FADS2: variants seen among roughly 807,000 people sequenced by gnomAD.
The protein encoded by FADS2 is acyl-CoA 6-desaturase.
FADS2 carries 18 observed loss-of-function variants against 61.2 expected under a neutral mutation model. The ratio of observed to expected loss-of-function variants is 0.29; its 90% CI spans 0.20 to 0.44. The LOEUF is 0.44. FADS2 is among the 20% of genes least tolerant of loss of function. The pLI, the probability that FADS2 is intolerant of heterozygous loss-of-function variation, is 1.00. For missense variants in FADS2, 322 were observed against 572.7 expected (o/e 0.56, Z 4.47); for synonymous variants, 203 against 223.9 (o/e 0.91, Z 0.83).
intron 5 of FADS2, among the ~76,000 whole-genome samples, chr11:61,852,556 C>T (rs116543703): frequency 0.028 from 4,308 of 152,204 alleles, 204 homozygotes; most frequent in African/African-American, 0.098. Flanking sequence ...CCACTGTGCC[C>T]GGCCAAGGTC....
chr11:61,850,531 A>G (rs1014504943), intron 5 of FADS2, among the ~76,000 whole-genome samples: 3 of 152,126 alleles, frequency 2.0e-5, no homozygotes, highest in Non-Finnish European at 2.9e-5. Context: ...TTACGGGTGT[A>G]AGCCACCGCG....
chr11:61,845,763 G>A (rs2067252254), intron 4 of FADS2, among the ~76,000 whole-genome samples: 1 of 140,982 alleles, frequency 7.1e-6, no homozygotes, highest in Non-Finnish European at 1.5e-5. Context: ...CAGCCTGGGC[G>A]ACAAGAGCAA....
At chr11:61,860,099 A>G (rs1371101737) in intron 7 of FADS2, among the ~76,000 whole-genome samples, 1 of 152,258 alleles carries the variant, frequency 6.6e-6, no homozygotes, top group East Asian at 1.9e-4. Flanking sequence ...GACCTGGGGC[A>G]CTGGTTCTCA....
intron 2 of FADS2, among the ~76,000 whole-genome samples, chr11:61,838,414 G>A (rs955397898): frequency 7.2e-5 from 11 of 152,162 alleles, no homozygotes; most frequent in South Asian, 4.1e-4. Context: ...TGGCGGAGCC[G>A]TTTATAGAAG....
At position 61,865,566 on chromosome 11, in the gene FADS2, T is replaced by C; in HGVS notation, c.1284-72T>C. The C allele has an allele frequency of 7.2e-7, 1 of 1,387,164 alleles. No individual in the cohort carries two copies. Among genetic ancestry groups the C allele is most frequent in the South Asian group, 1.2e-5 (1 of 83,320 alleles). 85.9% of individuals were successfully genotyped at this position (1,387,164 alleles called of 1,614,324 possible). On this transcript the variant is annotated intron_variant, in intron 11 of 11. Coordinates refer to ENST00000278840, the MANE Select transcript of FADS2 (RefSeq NM_004265.4). This position sits in a 1 kb window ranked among gnomAD's most constrained non-coding sequence, Gnocchi z 4.1. ...CATACATGCCACCTTAATGATGGCC[T>C]CCTCAGCCCTTGCACTCCCTGGGGC...
chr11:61,828,125 A>T, upstream of FADS2: 1 of 1,358,820 alleles, frequency 7.4e-7, no homozygotes, highest in Admixed American at 3.4e-5. This position sits in a 1 kb window ranked among gnomAD's most constrained non-coding sequence, Gnocchi z 6.4. Context: ...AAAAGTCCAT[A>T]GCGGGAGGGC....
At chr11:61,850,791 A>G (rs1041926144) in intron 5 of FADS2, among the ~76,000 whole-genome samples, 1 of 152,186 alleles carries the variant, frequency 6.6e-6, no homozygotes, top group African/African-American at 2.4e-5. Context: ...TTCAATCAGC[A>G]TCTGCCAAGT....
intron 4 of FADS2, chr11:61,847,591 A>G (rs2067271117): frequency 6.4e-6 from 1 of 155,390 alleles, no homozygotes; most frequent in South Asian, 2.0e-4. Flanking sequence ...ATGATATTCC[A>G]CTGTGTGGAT....
rs1299800647 is a variant in FADS2, at chr11:61,821,433, AC to A, written c.141+5009del. 1.7e-5 allele frequency: 12 copies of A among 701,678 alleles called. No individual in the cohort carries two copies. The East Asian group carries it at 3.2e-4, about 19-fold the overall frequency. The allele number at this position is 701,678 out of a possible 1,614,324, so 43.5% of individuals were successfully genotyped here. A position where few individuals can be genotyped will look rare whatever the true frequency, so the allele number is the denominator to read the frequency against. ...ATTGTAATGAAGCCATAATTGAATA[AC>A]CTAACTGCCAGTGGCTGTTGGAATA... On this transcript the variant is annotated intron_variant, in intron 1 of 11. Coordinates refer to the FADS2 transcript ENST00000257261.
chr11:61,850,491 C>T (rs535855923), intron 5 of FADS2, among the ~76,000 whole-genome samples: 23 of 152,202 alleles, frequency 1.5e-4, no homozygotes, highest in South Asian at 8.3e-4. Context: ...CTTCGTGATC[C>T]GCCCACCTCG....
Position 61,848,140 on chromosome 11 carries a change from C to T in FADS2, c.619-19C>T. 1 of 1,614,018 alleles carries T rather than the reference C, an allele frequency of 6.2e-7. No homozygotes were observed. Among genetic ancestry groups the T allele is most frequent in the Non-Finnish European group, 8.5e-7 (1 of 1,179,908 alleles). The stretch of plus-strand genomic sequence containing the variant: ...CCTGGTGGCTTGCATGGCTCATCCC[C>T]ACCCCTCTCTCCCCACAGGGTGCCT... On this transcript the variant is annotated intron_variant, in intron 4 of 11. Coordinates refer to ENST00000278840, the MANE Select transcript of FADS2 (RefSeq NM_004265.4).
rs2067468987 is a variant in FADS2 at position 61,866,210 on chromosome 11, G to T, written c.*521G>T. 2.5e-6 allele frequency: 1 copy of T among 394,218 alleles called. No individual in the cohort carries two copies. The highest frequency in any genetic ancestry group is 4.5e-6 in the Non-Finnish European group (1 of 223,766). The allele number at this position is 394,218 out of a possible 1,614,324, so 24.4% of individuals were successfully genotyped here. A position where few individuals can be genotyped will look rare whatever the true frequency, so the allele number is the denominator to read the frequency against. The stretch of plus-strand genomic sequence containing the variant: ...CCATTGGTCCACCCTTTCATAGAGA[G>T]GCCTGCTTTGTTACAAAGCTCGGGT... On this transcript the variant is annotated 3_prime_UTR_variant, in exon 12 of 12. Transcript: ENST00000278840.
upstream of FADS2, among the ~76,000 whole-genome samples, chr11:61,824,502 G>A (rs72643558): frequency 1.2e-3 from 26 of 21,694 alleles, no homozygotes; most frequent in African/African-American, 3.4e-3. Flanking sequence ...AAGAAAGAAA[G>A]GAAAGAAAGA....
At chr11:61,864,797 A>G (rs1244986036) in intron 10 of FADS2, among the ~76,000 whole-genome samples, 1 of 150,914 alleles carries the variant, frequency 6.6e-6, no homozygotes, top group South Asian at 2.1e-4. Context: ...CGGCCTCCCA[A>G]AATGCTGGGA....
At chr11:61,817,076 G>T in intron 1 of FADS2, 1 of 968,974 alleles carries the variant, frequency 1.0e-6, no homozygotes, top group Non-Finnish European at 1.4e-6. Context: ...GGCGGGCATC[G>T]CGGCGTTGGC....
At chr11:61,846,319 G>A (rs2067258804) in intron 4 of FADS2, among the ~76,000 whole-genome samples, 1 of 151,650 alleles carries the variant, frequency 6.6e-6, no homozygotes, top group South Asian at 2.1e-4. Context: ...GTTTCTCCGT[G>A]TTGGCCAGGC....
chr11:61,819,170 G>A (rs542707469), intron 1 of FADS2, among the ~76,000 whole-genome samples: 5 of 151,622 alleles, frequency 3.3e-5, no homozygotes, highest in South Asian at 2.1e-4. Flanking sequence ...CACCGCACCC[G>A]GCCAGAATTT....
In FADS2 at chr11:61,866,683, G is replaced by C. The variant is rs114296331; in HGVS notation, c.*994G>C. On this transcript the variant is annotated 3_prime_UTR_variant, in exon 12 of 12. Coordinates refer to ENST00000278840, the MANE Select transcript of FADS2 (RefSeq NM_004265.4). ...GAGGGCACTGGAGCTGGGAGGTCTCGTCCCAGCCCTCCCCATCTCGGGGCT... is the reference window on the plus strand; with the variant it reads ...GAGGGCACTGGAGCTGGGAGGTCTCCTCCCAGCCCTCCCCATCTCGGGGCT... The C allele has an allele frequency of 1.3e-5, 2 of 152,586 alleles. No individual in the cohort carries two copies. The highest frequency in any genetic ancestry group is 1.5e-5 in the Non-Finnish European group (1 of 68,238). The allele number at this position is 152,586 out of a possible 1,614,324, so 9.5% of individuals were successfully genotyped here.
At chr11:61,847,801 C>A in intron 4 of FADS2, 1 of 271,800 alleles carries the variant, frequency 3.7e-6, no homozygotes, top group Non-Finnish European at 7.3e-6. Context: ...TCCCTGAAAC[C>A]TCGGCTTTAC....
Sources: gnomAD v4.1 joint callset for allele counts (sites outside exome capture counted in the v4.1 genomes callset) on GRCh38, gnomAD v4.1.1 for gene constraint, Gnocchi (gnomAD v3.1) non-coding constraint, MANE v1.5 for transcripts, NCBI Gene and HGNC (gene_info 2026-07-23, HGNC 2026-07-21) for gene names.